The following ARRDC3 variants were observed in gnomAD, a reference collection of about 807,000 sequenced individuals.
The protein encoded by ARRDC3 is arrestin domain containing 3, also known as arrestin domain-containing protein 3.
A neutral mutation model predicts 47.2 loss-of-function variants in ARRDC3; 10 were observed. The ratio of observed to expected loss-of-function variants is 0.21; its 90% CI spans 0.13 to 0.36. The LOEUF (loss-of-function observed/expected upper bound fraction) is 0.36. Ranked by LOEUF, ARRDC3 falls within the 10% of genes least tolerant of loss-of-function variation. The probability of loss-of-function intolerance (pLI) is 1.00; values close to 1 mark genes in which losing one functional copy is unlikely to be tolerated. For synonymous variants in ARRDC3, 156 were observed against 178.3 expected (o/e 0.87, Z 1.00); for missense variants, 381 against 503.6 (o/e 0.76, Z 2.33).
chr5:91,374,991 C>A lies in ARRDC3; in HGVS notation c.801G>T (p.Leu267Phe), dbSNP rs781128369. ...AGGGAGAAACTGGTGGAATTTTCAG[C>A]AACTTGCCATTCCACGTCTCTGTCT... is the stretch of plus-strand genomic sequence containing the variant. The part of the protein sequence containing the change: ...SGKTETWNGK[L>F]LKIPPVSPSI... Residue 267 changes from leucine to phenylalanine, a missense_variant, in exon 5 of 8, where the codon TTG (leucine) becomes TTT (phenylalanine). By Grantham distance (22) the Leu-to-Phe change is conservative. Transcript: ENST00000265138. The A allele has an allele frequency of 1.9e-6, 3 of 1,614,152 alleles. No individual in the cohort carries two copies. Among genetic ancestry groups the A allele is most frequent in the Non-Finnish European group, 2.5e-6 (3 of 1,179,974 alleles).
chr5:91,379,100 T>A lies in ARRDC3; in HGVS notation c.281-325A>T, dbSNP rs372381590. The stretch of plus-strand genomic sequence containing the variant: ...ATACTCAAAAGGCTCGGGTCTCACA[T>A]CATGGTAAGACAATGCTATCCTTTG... On this transcript the variant is annotated intron_variant, in intron 1 of 7. Coordinates refer to ENST00000265138, the MANE Select transcript of ARRDC3 (RefSeq NM_020801.4). 3.3e-5 allele frequency among the ~76,000 whole-genome samples: 5 copies of A among 152,246 alleles called. No homozygotes were observed. In the East Asian group the frequency reaches 5.8e-4, roughly 18 times the overall value.
Position 91,375,620 on chromosome 5 carries a change from G to GA in ARRDC3, c.511-8dup, listed in dbSNP as rs1166186599. 1.9e-6 allele frequency: 3 copies of GA among 1,597,208 alleles called. No homozygotes were observed. Among genetic ancestry groups the GA allele is most frequent in the Non-Finnish European group, 2.6e-6 (3 of 1,169,886 alleles). On this transcript the variant is annotated splice_polypyrimidine_tract_variant and splice_region_variant and intron_variant, in intron 3 of 7. Coordinates refer to ENST00000265138, the MANE Select transcript of ARRDC3 (RefSeq NM_020801.4). Reference sequence around the variant, plus strand: ...TTGTGCCTGCTTGGGGTGACTGTAAGAAAAAAATTAAGAGAAAAAGGTCAG... The same window carrying GA: ...TTGTGCCTGCTTGGGGTGACTGTAAGAAAAAAAATTAAGAGAAAAAGGTCAG...
chr5:91,382,660 T>C (rs952493050), intron 1 of ARRDC3, among the ~76,000 whole-genome samples, 153 bp downstream of exon 1: 1 of 152,266 alleles, frequency 6.6e-6, no homozygotes, highest in Admixed American at 6.5e-5. Flanking sequence ...TAACACACGA[T>C]GAACGTCAAG....
At chr5:91,380,418 G>A (rs1799424625) in intron 1 of ARRDC3, 1 of 152,240 alleles carries the variant, frequency 6.6e-6, no homozygotes, top group Non-Finnish European at 1.5e-5. Context: ...TTTCGGCAAG[G>A]GATATTGGGG....
chr5:91,375,724 G>T, intron 3 of ARRDC3, 111 bp from the exon 4 acceptor site: 10 of 690,802 alleles, frequency 1.4e-5, no homozygotes, highest in South Asian at 4.0e-5. Context: ...ATTACAACTG[G>T]TTTTGCTTTT....
At chr5:91,377,230 G>C (rs1026994711) in intron 2 of ARRDC3, among the ~76,000 whole-genome samples, 1 of 152,074 alleles carries the variant, frequency 6.6e-6, no homozygotes, top group Admixed American at 6.5e-5. Context: ...ACTAACTAAG[G>C]TCTAGAAAAG....
At chr5:91,371,638 G>A (rs1799180970) in intron 7 of ARRDC3, among the ~76,000 whole-genome samples, 182 bp from the exon 8 acceptor site, 2 of 152,004 alleles carry the variant, frequency 1.3e-5, no homozygotes, top group East Asian at 3.8e-4. Context: ...GGGAGGAAAG[G>A]GTGTTGGTAC....
chr5:91,379,141 T>C lies in ARRDC3; in HGVS notation c.281-366A>G, dbSNP rs577082971. Among the ~76,000 whole-genome samples, 85 of 152,094 alleles carry C rather than the reference T, an allele frequency of 5.6e-4. 1 individual carries two copies. Among genetic ancestry groups the C allele is most frequent in the Non-Finnish European group, 1.1e-3 (77 of 68,008 alleles). On this transcript the variant is annotated intron_variant, in intron 1 of 7. Coordinates refer to ENST00000265138, the MANE Select transcript of ARRDC3 (RefSeq NM_020801.4). ...CTATCCTTTGTCTCCAACGGTTTGC[T>C]TAAATTTATCACATTAAGACTATAA...
At chr5:91,374,401 A>G (rs1333828639) in intron 5 of ARRDC3, 125 bp from the exon 6 acceptor site, 1 of 806,454 alleles carries the variant, frequency 1.2e-6, no homozygotes, top group South Asian at 1.8e-5. Flanking sequence ...ACATACATGA[A>G]AAGTTTCTCT....
In ARRDC3 at chr5:91,374,952, A is replaced by G. The variant is rs752844286; in HGVS notation, c.840T>C (p.Cys280=). 1 of 1,614,194 alleles carries G rather than the reference A, an allele frequency of 6.2e-7. No homozygotes were observed. Among genetic ancestry groups the G allele is most frequent in the Non-Finnish European group, 8.5e-7 (1 of 1,180,004 alleles). The part of the protein sequence containing the change: ...IPPVSPSILD[C]SIIRVEYSLM... ...GTGAATATTCCACGCGGATTATACT[A>G]CAGTCGAGGATAGAGGGAGAAACTG... Residue 280 remains cysteine, a synonymous_variant, in exon 5 of 8, where the codon TGT becomes TGC. Transcript: ENST00000265138.
chr5:91,382,943 A>G lies in ARRDC3; in HGVS notation c.150T>C (p.His50=). Reference sequence around the variant, plus strand: ...AGCGTACTTTCGCATGTCCTCTTGCATGAATTTTAAGAGATTTTACTCTGA... The same window carrying G: ...AGCGTACTTTCGCATGTCCTCTTGCGTGAATTTTAAGAGATTTTACTCTGA... ...GEIRVKSLKI[H]ARGHAKVRWT... is the part of the protein sequence containing the mutation. Residue 50 remains histidine (H), a synonymous_variant, in exon 1 of 8, where the codon CAT becomes CAC. Coordinates refer to ENST00000265138, the MANE Select transcript of ARRDC3 (RefSeq NM_020801.4). 6.2e-7 allele frequency: 1 copy of G among 1,614,162 alleles called. No homozygotes were observed. The highest frequency in any genetic ancestry group is 8.5e-7 in the Non-Finnish European group (1 of 1,180,028).
chr5:91,380,649 CAA>C (rs1224331356), intron 1 of ARRDC3: 2 of 152,262 alleles, frequency 1.3e-5, no homozygotes, highest in Non-Finnish European at 2.9e-5. Context: ...AAGGGGAAAA[CAA>C]GCGTTCACAG....
Position 91,376,749 on chromosome 5 carries a change from C to T in ARRDC3, c.382G>A (p.Glu128Lys). Residue 128 changes from glutamate to lysine, a missense_variant, in exon 3 of 8, where the codon GAA becomes AAA. By Grantham distance (56) the Glu-to-Lys change is moderately conservative. Coordinates refer to ENST00000265138, the MANE Select transcript of ARRDC3 (RefSeq NM_020801.4). ...TAGCGCACACTGCCATGTCGGCCTT[C>T]GAATGAGGTAGCGAGTGGTCTGTGC... ...LPQTPLATSFEGRHGSVRYWV... is the reference protein window; with the variant it reads ...LPQTPLATSFKGRHGSVRYWV... The T allele has an allele frequency of 3.7e-6, 6 of 1,613,558 alleles. No individual in the cohort carries two copies. The highest frequency in any genetic ancestry group is 2.2e-5 in the East Asian group (1 of 44,818).
At position 91,376,640 on chromosome 5, in the gene ARRDC3, A is replaced by G. The variant is rs779507679; in HGVS notation, c.491T>C (p.Ile164Thr). 6.2e-6 allele frequency: 10 copies of G among 1,610,990 alleles called. No homozygotes were observed. Among genetic ancestry groups the G allele is most frequent in the Non-Finnish European group, 8.5e-6 (10 of 1,177,660 alleles). ...KEFTVFEHID[I>T]NTPSLLSPQA... is the part of the protein sequence containing the mutation. ...TCTTACCAGTAATGAAGGAGTGTTG[A>G]TATCTATATGCTCAAAGACTGTAAA... is the stretch of plus-strand genomic sequence containing the variant. The change falls in exon 3 of 8, where the codon ATC becomes ACC. Residue 164 changes from isoleucine to threonine, a missense_variant. Ile to Thr is a moderately conservative substitution (Grantham distance 89). Transcript: ENST00000265138.
At chr5:91,376,807 CTCTT>C (rs773073314) in intron 2 of ARRDC3, 39 bp from the exon 3 acceptor site, 20 of 1,549,754 alleles carry the variant, frequency 1.3e-5, no homozygotes, top group African/African-American at 1.1e-4. Flanking sequence ...AATTTTATAC[CTCTT>C]TCTAACAATT....
rs1799122260 is a variant in ARRDC3, at chr5:91,369,607, C to T, written c.*1793G>A. 1 of 152,460 alleles carries T rather than the reference C, an allele frequency of 6.6e-6. No homozygotes were observed. Among genetic ancestry groups the T allele is most frequent in the Non-Finnish European group, 1.5e-5 (1 of 68,020 alleles). 9.4% of individuals were successfully genotyped at this position (152,460 alleles called of 1,614,324 possible). ...TAAGACAGTATTTAACCAGGTCAAG[C>T]ACCAAGCCAGAGCTACTATTATTTT... On this transcript the variant is annotated 3_prime_UTR_variant, in exon 8 of 8. Coordinates refer to ENST00000265138, the MANE Select transcript of ARRDC3 (RefSeq NM_020801.4).
At chr5:91,373,862 T>A in intron 6 of ARRDC3, 24 bp from the exon 7 acceptor site, 1 of 1,613,280 alleles carries the variant, frequency 6.2e-7, no homozygotes, top group Non-Finnish European at 8.5e-7. Context: ...ATACACGCAA[T>A]TCGAACAGCA....
chr5:91,373,214 GAA>G (rs1220481447), intron 7 of ARRDC3, among the ~76,000 whole-genome samples: 2 of 152,148 alleles, frequency 1.3e-5, no homozygotes, highest in Non-Finnish European at 2.9e-5. Context: ...TGAGATGAAC[GAA>G]AATAGTCTAA....
In ARRDC3 at chr5:91,372,996, T is replaced by G. The variant is rs115650740; in HGVS notation, c.1188+688A>C. On this transcript the variant is annotated intron_variant, in intron 7 of 7. Transcript: ENST00000265138. ...GTTCTTCCTGCCTTTTGAGGACTAC[T>G]CATTCTTCAAAATTCAGCTTAATAG... is the stretch of plus-strand genomic sequence containing the variant. Among the ~76,000 whole-genome samples, 311 of 152,308 alleles carry G rather than the reference T, an allele frequency of 2.0e-3. 2 individuals are homozygous for G. The highest frequency in any genetic ancestry group is 7.2e-3 in the African/African-American group (299 of 41,574).
Sources: allele counts gnomAD v4.1 joint callset (sites outside exome capture counted in the v4.1 genomes callset), GRCh38; gene constraint gnomAD v4.1.1; transcripts MANE v1.5; gene names NCBI Gene and HGNC (gene_info 2026-07-23, HGNC 2026-07-21).